Variants in RBFOX1 observed in about 807,000 individuals in gnomAD.
RBFOX1 encodes the protein RNA binding fox-1 homolog 1, also known as RNA binding protein fox-1 homolog 1.
In RBFOX1, 8 loss-of-function variants were observed where a neutral mutation model predicts 57.7. That is an observed-to-expected ratio of 0.14 (90% CI 0.08 to 0.25). The LOEUF (loss-of-function observed/expected upper bound fraction) is 0.25, where lower values mean the gene tolerates loss of function less well. Ranked by LOEUF, RBFOX1 falls within the 10% of genes least tolerant of loss-of-function variation. The pLI, the probability that RBFOX1 is intolerant of heterozygous loss-of-function variation, is 1.00. For synonymous variants in RBFOX1, 326 were observed against 222.4 expected (o/e 1.47, Z -4.15); for missense variants, 611 against 548.5 (o/e 1.11, Z -1.14).
intron 4 of RBFOX1, among the ~76,000 whole-genome samples, chr16:7,354,478 G>T (rs1488293824): frequency 6.6e-6 from 1 of 152,142 alleles, no homozygotes; most frequent in African/African-American, 2.4e-5. Flanking sequence ...CCTAGCACCA[G>T]CTGAGACTGT....
intron 3 of RBFOX1, among the ~76,000 whole-genome samples, chr16:5,770,889 C>A (rs887628420): frequency 4.6e-5 from 7 of 152,218 alleles, no homozygotes; most frequent in Non-Finnish European, 7.3e-5. Context: ...AGTCTTCTTG[C>A]CTCCCCATCT....
chr16:7,109,596 G>T (rs1053053217), intron 4 of RBFOX1, among the ~76,000 whole-genome samples: 1 of 152,082 alleles, frequency 6.6e-6, no homozygotes, highest in Non-Finnish European at 1.5e-5. Flanking sequence ...GCACAACCCA[G>T]GGATCACAAG....
intron 3 of RBFOX1, among the ~76,000 whole-genome samples, chr16:6,931,319 A>ATCTG (rs1567941553): frequency 3.1e-5 from 4 of 128,164 alleles, no homozygotes; most frequent in South Asian, 4.9e-4. Context: ...CTATCTATCT[A>ATCTG]TCTATCTATC....
chr16:6,707,997 C>T (rs1396915722), intron 3 of RBFOX1, among the ~76,000 whole-genome samples: 2 of 152,090 alleles, frequency 1.3e-5, no homozygotes, highest in Non-Finnish European at 2.9e-5. Context: ...TCAGGTAGTG[C>T]TGTGGAGGGT....
intron 3 of RBFOX1, among the ~76,000 whole-genome samples, chr16:6,919,125 AC>A (rs2073904475): frequency 6.6e-6 from 1 of 151,946 alleles, no homozygotes; most frequent in Non-Finnish European, 1.5e-5. Flanking sequence ...GATTACAGGC[AC>A]CTGCCATCGT....
intron 3 of RBFOX1, among the ~76,000 whole-genome samples, chr16:6,959,150 C>G (rs553029804): frequency 6.6e-6 from 1 of 152,012 alleles, no homozygotes; most frequent in East Asian, 1.9e-4. Context: ...TTTCAGACTA[C>G]GATGGATTGG....
chr16:5,381,580 G>A (rs934000667), intron 1 of RBFOX1, among the ~76,000 whole-genome samples: 2 of 152,212 alleles, frequency 1.3e-5, no homozygotes, highest in African/African-American at 4.8e-5. Flanking sequence ...GCTGGGGCTC[G>A]AGCCTGCATC....
chr16:7,048,677 T>C (rs546885530), intron 3 of RBFOX1, among the ~76,000 whole-genome samples: 1 of 152,314 alleles, frequency 6.6e-6, no homozygotes, highest in South Asian at 2.1e-4. Context: ...GCTTTAAAGT[T>C]TTTATTTGAT....
At chr16:7,171,512 T>A (rs550074125) in intron 4 of RBFOX1, among the ~76,000 whole-genome samples, 1 of 152,216 alleles carries the variant, frequency 6.6e-6, no homozygotes, top group Non-Finnish European at 1.5e-5. Flanking sequence ...GAATCCTTAA[T>A]GTGACACAAA....
At chr16:6,636,409 A>G (rs1447615426) in intron 2 of RBFOX1, among the ~76,000 whole-genome samples, 2 of 152,006 alleles carry the variant, frequency 1.3e-5, no homozygotes, top group East Asian at 1.9e-4. Flanking sequence ...TGACTTCGTG[A>G]TCAGCCCGGC....
intron 3 of RBFOX1, among the ~76,000 whole-genome samples, chr16:6,685,427 C>T (rs79762460): frequency 6.7e-6 from 1 of 148,266 alleles, no homozygotes; most frequent in African/African-American, 2.5e-5. Flanking sequence ...AGGCATGTGC[C>T]ACTATACCCA....
intron 4 of RBFOX1, among the ~76,000 whole-genome samples, chr16:7,366,387 A>T (rs2097448234): frequency 6.6e-6 from 1 of 152,304 alleles, no homozygotes; most frequent in South Asian, 2.1e-4. Flanking sequence ...GTTTCCAGGG[A>T]AGCTGCGCCC....
At chr16:5,706,179 G>C (rs1294352528) in intron 3 of RBFOX1, among the ~76,000 whole-genome samples, 3 of 152,204 alleles carry the variant, frequency 2.0e-5, no homozygotes, top group East Asian at 3.9e-4. Context: ...CCAAAGTGCT[G>C]GGATTACAGG....
chr16:7,393,470 T>A (rs2148525559), intron 4 of RBFOX1, among the ~76,000 whole-genome samples: 1 of 152,218 alleles, frequency 6.6e-6, no homozygotes, highest in African/African-American at 2.4e-5. Context: ...TCTATATAAT[T>A]TTCCTACCCC....
intron 2 of RBFOX1, among the ~76,000 whole-genome samples, chr16:6,457,326 C>G (rs2094797902): frequency 1.3e-5 from 2 of 151,770 alleles, no homozygotes; most frequent in Admixed American, 6.6e-5. Flanking sequence ...CCAATGGAAG[C>G]CATGGCATTG....
chr16:6,936,111 C>T (rs575859665), intron 3 of RBFOX1, among the ~76,000 whole-genome samples: 1 of 152,086 alleles, frequency 6.6e-6, no homozygotes, highest in Non-Finnish European at 1.5e-5. Flanking sequence ...ACTTTTTGCT[C>T]CGGGGGTTCA....
intron 3 of RBFOX1, among the ~76,000 whole-genome samples, chr16:6,796,031 A>G (rs1603625272): frequency 6.6e-6 from 1 of 152,234 alleles, no homozygotes; most frequent in South Asian, 2.1e-4. Context: ...CATGCTGCTG[A>G]CAAAGACATA....
chr16:5,804,020 G>C (rs1204754479), intron 3 of RBFOX1, among the ~76,000 whole-genome samples: 1 of 152,100 alleles, frequency 6.6e-6, no homozygotes, highest in African/African-American at 2.4e-5. Flanking sequence ...GGGAAGTCTT[G>C]CCACAGTATT....
At chr16:5,628,872 A>T (rs1168007577) in intron 3 of RBFOX1, among the ~76,000 whole-genome samples, 1 of 152,182 alleles carries the variant, frequency 6.6e-6, no homozygotes, top group Non-Finnish European at 1.5e-5. Flanking sequence ...GTAGCATCTG[A>T]CCTAAGCTAA....
Sources: gnomAD v4.1 joint callset for allele counts (sites outside exome capture counted in the v4.1 genomes callset) on GRCh38, gnomAD v4.1.1 for gene constraint, MANE v1.5 for transcripts, NCBI Gene and HGNC (gene_info 2026-07-23, HGNC 2026-07-21) for gene names.